PLK2: variants seen among roughly 807,000 people sequenced by gnomAD.
PLK2 encodes the protein serine/threonine-protein kinase PLK2.
Under a neutral mutation model 78.1 loss-of-function variants are expected in PLK2, and 25 were observed. The observed-to-expected ratio is 0.32, with a 90% confidence interval of 0.23 to 0.45. PLK2 has a LOEUF of 0.45. Among genes scored for constraint, PLK2 ranks in the 20% least tolerant of loss-of-function variants. PLK2 has a pLI of 1.00. For synonymous variants in PLK2, 332 were observed against 298.2 expected (o/e 1.11, Z -1.17); for missense variants, 566 against 840.2 (o/e 0.67, Z 4.04).
intron 1 of PLK2, chr5:58,459,432 G>C: frequency 1.8e-6 from 1 of 564,626 alleles, no homozygotes; most frequent in Non-Finnish European, 3.1e-6. Flanking sequence ...GATGTAGAAA[G>C]CCCTCGCTTC....
Position 58,458,544 on chromosome 5 carries a change from G to T in PLK2, c.496-16C>A, listed in dbSNP as rs1028425193. 3.8e-6 allele frequency: 6 copies of T among 1,593,672 alleles called. No homozygotes were observed. In the African/African-American group the frequency reaches 6.8e-5, roughly 18 times the overall value. On this transcript the variant is annotated splice_polypyrimidine_tract_variant and intron_variant, in intron 3 of 13. Coordinates refer to ENST00000274289, the MANE Select transcript of PLK2 (RefSeq NM_006622.4). ...GAGCCATTGACTAAGAAGAGGAGAA[G>T]GAAAAAAGAGAATCTGTCAAAACAG... is the stretch of plus-strand genomic sequence containing the variant.
rs1403198375 is a variant in PLK2 at position 58,455,033 on chromosome 5, T to C, written c.1756-12A>G. 4.0e-6 allele frequency: 6 copies of C among 1,495,828 alleles called. No individual in the cohort carries two copies. The highest frequency in any genetic ancestry group is 5.6e-6 in the Non-Finnish European group (6 of 1,073,188). 92.7% of individuals were successfully genotyped at this position (1,495,828 alleles called of 1,614,324 possible). On this transcript the variant is annotated splice_polypyrimidine_tract_variant and intron_variant, in intron 12 of 13. Transcript: ENST00000274289. Reference sequence around the variant, plus strand: ...GGCAGATCTCCACCCTGGAAGAGATTAGGAGAGTGAGTTAGTGCCTACAAA... The same window carrying C: ...GGCAGATCTCCACCCTGGAAGAGATCAGGAGAGTGAGTTAGTGCCTACAAA...
chr5:58,454,801 T>G (rs547863731), intron 13 of PLK2, 27 bp from the exon 14 acceptor site: 1 of 1,542,230 alleles, frequency 6.5e-7, no homozygotes, highest in South Asian at 1.1e-5. Context: ...AGACATTAGA[T>G]CTCTCAAAAT....
chr5:58,457,253 A>G lies in PLK2; in HGVS notation c.936T>C (p.Ala312=). Residue 312 remains alanine, a synonymous_variant, in exon 7 of 14, where the codon GCT becomes GCC. Transcript: ENST00000274289. ...CCTCTGGGTTTTTGGACAACATACT[A>G]GCAATTAAGTGCTTGGCAGGAGCCA... ...SLLAPAKHLI[A]SMLSKNPEDR... 6.2e-7 allele frequency: 1 copy of G among 1,614,156 alleles called. No homozygotes were observed. Among genetic ancestry groups the G allele is most frequent in the East Asian group, 2.2e-5 (1 of 44,882 alleles).
At chr5:58,457,458 C>A in intron 6 of PLK2, 30 bp downstream of exon 6, 1 of 1,590,554 alleles carries the variant, frequency 6.3e-7, no homozygotes, top group African/African-American at 1.3e-5. Flanking sequence ...TCCGAATTTG[C>A]TTTTTAATTA....
rs1743544633 is a variant in PLK2, at chr5:58,454,471, T to C, written c.*112A>G. The C allele has an allele frequency of 3.9e-6, 3 of 767,288 alleles. No individual in the cohort carries two copies. Among genetic ancestry groups the C allele is most frequent in the Non-Finnish European group, 6.4e-6 (3 of 465,274 alleles). 47.5% of individuals were successfully genotyped at this position (767,288 alleles called of 1,614,324 possible). A position where few individuals can be genotyped will look rare whatever the true frequency, so the allele number is the denominator to read the frequency against. ...CCAGCAGGCCACAGGGGAATTGTTTTCGTACCACCACATGTCCATCTTCTT... is the reference window on the plus strand; with the variant it reads ...CCAGCAGGCCACAGGGGAATTGTTTCCGTACCACCACATGTCCATCTTCTT... On this transcript the variant is annotated 3_prime_UTR_variant, in exon 14 of 14. Coordinates refer to ENST00000274289, the MANE Select transcript of PLK2 (RefSeq NM_006622.4).
intron 4 of PLK2, 103 bp from the exon 5 acceptor site, chr5:58,458,274 G>T (rs1311043880): frequency 7.7e-7 from 1 of 1,305,766 alleles, no homozygotes; most frequent in South Asian, 1.2e-5. Flanking sequence ...TTATATGAAA[G>T]TCGCCCATTC....
In PLK2 at chr5:58,456,970, G is replaced by A. The variant is rs775151964; in HGVS notation, c.1131C>T (p.Asp377=). 2 of 1,609,990 alleles carry A rather than the reference G, an allele frequency of 1.2e-6. No individual in the cohort carries two copies. Among genetic ancestry groups the A allele is most frequent in the South Asian group, 2.2e-5 (2 of 90,534 alleles). The change falls in exon 8 of 14, where the codon GAC becomes GAT. Residue 377 remains aspartate, a synonymous_variant. Coordinates refer to ENST00000274289, the MANE Select transcript of PLK2 (RefSeq NM_006622.4). ...AAAALFGGKK[D]KARYIDTHNR... ...TATGTGTGTCAATATATCTTGCTTT[G>A]TCTTTTTTGCCACCAAAAAGAGCAG...
intron 5 of PLK2, 30 bp downstream of exon 5, chr5:58,458,054 T>C (rs1231377556): frequency 7.1e-7 from 1 of 1,399,390 alleles, no homozygotes; most frequent in Non-Finnish European, 1.0e-6. Context: ...TCCACAAAAG[T>C]CTACTAGGAT....
intron 1 of PLK2, 72 bp downstream of exon 1, chr5:58,459,618 G>T: frequency 7.4e-7 from 1 of 1,343,678 alleles, no homozygotes; most frequent in Non-Finnish European, 9.8e-7. Flanking sequence ...GGACCCCGCG[G>T]GCTTGCCCGG....
Position 58,457,169 on chromosome 5 carries a change from T to G in PLK2, c.1008+12A>C. 2 of 1,611,688 alleles carry G rather than the reference T, an allele frequency of 1.2e-6. No individual in the cohort carries two copies. Among genetic ancestry groups the G allele is most frequent in the Non-Finnish European group, 1.7e-6 (2 of 1,178,584 alleles). ...ATACCAGGTAATTAAAAAAAAAAGA[T>G]AGTGCACCAACCTGCAAAAAAAAGT... On this transcript the variant is annotated intron_variant, in intron 7 of 13. Coordinates refer to ENST00000274289, the MANE Select transcript of PLK2 (RefSeq NM_006622.4).
rs370516162 is a variant in PLK2 at position 58,458,386 on chromosome 5, G to A, written c.625+13C>T. ...TCTAACACAAAACTCAGCTTTTGGC[G>A]TCAATGACTTACCTAGTTTGAGATC... On this transcript the variant is annotated intron_variant, in intron 4 of 13. Transcript: ENST00000274289. 6.1e-5 allele frequency: 99 copies of A among 1,613,036 alleles called. No individual in the cohort carries two copies. The highest frequency in any genetic ancestry group is 1.6e-4 in the Middle Eastern group (1 of 6,084).
chr5:58,456,612 A>G, intron 8 of PLK2, 23 bp from the exon 9 acceptor site: 1 of 1,358,968 alleles, frequency 7.4e-7, no homozygotes, highest in East Asian at 2.3e-5. Context: ...AAACAGAATT[A>G]CAAACATTAG....
intron 8 of PLK2, 149 bp downstream of exon 8, chr5:58,456,796 G>A (rs1400750208): frequency 6.3e-6 from 4 of 633,706 alleles, no homozygotes; most frequent in South Asian, 4.5e-5. Context: ...CACAATTCAA[G>A]GTATGGATTT....
chr5:58,454,467 G>T lies in PLK2; in HGVS notation c.*116C>A, dbSNP rs1743544566. The T allele has an allele frequency of 2.7e-6, 2 of 747,324 alleles. No homozygotes were observed. The highest frequency in any genetic ancestry group is 4.5e-6 in the Non-Finnish European group (2 of 449,026). 46.3% of individuals were successfully genotyped at this position (747,324 alleles called of 1,614,324 possible). On this transcript the variant is annotated 3_prime_UTR_variant, in exon 14 of 14. Transcript: ENST00000274289. The stretch of plus-strand genomic sequence containing the variant: ...CAGTCCAGCAGGCCACAGGGGAATT[G>T]TTTTCGTACCACCACATGTCCATCT...
At position 58,456,757 on chromosome 5, in the gene PLK2, T is replaced by C. The variant is rs77452318; in HGVS notation, c.1157-168A>G. ...TGCAGCTACCCCCAAAAGCCCTCTT[T>C]AGTGTTTGCAAAATAAAAAGCTATC... On this transcript the variant is annotated intron_variant, in intron 8 of 13. Transcript: ENST00000274289. 4.9e-3 allele frequency: 3,074 copies of C among 632,598 alleles called. 63 individuals carry two copies. The African/African-American group carries it at 0.049, about 10-fold the overall frequency. The allele number at this position is 632,598 out of a possible 1,614,324, so 39.2% of individuals were successfully genotyped here.
At position 58,460,051 on chromosome 5, in the gene PLK2, T is replaced by G; in HGVS notation, c.-92A>C. On this transcript the variant is annotated 5_prime_UTR_variant, in exon 1 of 14. Coordinates refer to ENST00000274289, the MANE Select transcript of PLK2 (RefSeq NM_006622.4). ...GTGGTCCTCGCACCCTTGCCTCTGG[T>G]GCCGACTAGCACCCAACACCCCGGT... 5.6e-6 allele frequency: 8 copies of G among 1,432,508 alleles called. No homozygotes were observed. Among genetic ancestry groups the G allele is most frequent in the Non-Finnish European group, 7.5e-6 (8 of 1,066,272 alleles). The allele number at this position is 1,432,508 out of a possible 1,614,324, so 88.7% of individuals were successfully genotyped here.
intron 3 of PLK2, 48 bp from the exon 4 acceptor site, chr5:58,458,576 A>G: frequency 2.6e-6 from 4 of 1,556,956 alleles, no homozygotes; most frequent in African/African-American, 1.4e-5. Context: ...ACAGTTATCA[A>G]AATCACTGGT....
In PLK2 at chr5:58,459,973, C is replaced by T. The variant is rs749507291; in HGVS notation, c.-14G>A. On this transcript the variant is annotated 5_prime_UTR_variant, in exon 1 of 14. Coordinates refer to ENST00000274289, the MANE Select transcript of PLK2 (RefSeq NM_006622.4). ...CAAAAGCTCCATGGTCGCCTTGCCG[C>T]CCCGCACTGCCCGCTGCCACCCCCT... 2 of 1,572,208 alleles carry T rather than the reference C, an allele frequency of 1.3e-6. No homozygotes were observed. The highest frequency in any genetic ancestry group is 1.7e-6 in the Non-Finnish European group (2 of 1,158,510).
Sources: allele counts gnomAD v4.1 joint callset, GRCh38; gene constraint gnomAD v4.1.1; transcripts MANE v1.5; gene names NCBI Gene and HGNC (gene_info 2026-07-23, HGNC 2026-07-21).